Variants in CMIP observed in about 807,000 individuals in gnomAD.
CMIP encodes C-Maf-inducing protein.
CMIP carries 13 observed loss-of-function variants against 97.3 expected under a neutral mutation model. The ratio of observed to expected loss-of-function variants is 0.13; its 90% CI spans 0.09 to 0.21. CMIP has a LOEUF of 0.21. Among genes scored for constraint, CMIP ranks in the 10% least tolerant of loss-of-function variants. The pLI is 1.00. For synonymous variants in CMIP, 538 were observed against 436.3 expected (o/e 1.23, Z -2.91); for missense variants, 847 against 1,024.9 (o/e 0.83, Z 2.37).
At chr16:81,620,854 T>C in intron 2 of CMIP, 22 bp from the exon 3 acceptor site, 20 of 1,613,920 alleles carry the variant, frequency 1.2e-5, no homozygotes, top group Non-Finnish European at 1.7e-5. Context: ...CGGACCTTGC[T>C]GTCCTGTTCT....
chr16:81,616,153 AT>A lies in CMIP; in HGVS notation c.427-4704del, dbSNP rs11331169. ...ACATGTCATTAATTCATTCAGCTGT[AT>A]TTTTTTTTTTTTTTTTTTAACACCA... On this transcript the variant is annotated intron_variant, in intron 2 of 20. Transcript: ENST00000537098. This position sits in a 1 kb window ranked among gnomAD's most constrained non-coding sequence, Gnocchi z 4.7. 0.23 allele frequency among the ~76,000 whole-genome samples: 31,018 copies of A among 132,648 alleles called. 3,321 individuals carry two copies. Among genetic ancestry groups the A allele is most frequent in the Non-Finnish European group, 0.27 (16,851 of 61,350 alleles). 87.0% of individuals were successfully genotyped at this position (132,648 alleles called of 152,430 possible).
At chr16:81,496,411 G>A (rs1460697240) in intron 1 of CMIP, among the ~76,000 whole-genome samples, 4 of 152,204 alleles carry the variant, frequency 2.6e-5, no homozygotes, top group African/African-American at 7.2e-5. Context: ...TTGTACGATG[G>A]AGGGGAGTTA....
intron 2 of CMIP, chr16:81,610,398 A>G (rs79598992): frequency 2.1e-5 from 21 of 985,672 alleles, no homozygotes; most frequent in Non-Finnish European, 2.5e-5. Context: ...CAGCGCAGTC[A>G]GAGGCAGGAG....
chr16:81,528,925 G>A (rs934063553), intron 1 of CMIP, among the ~76,000 whole-genome samples: 1 of 151,836 alleles, frequency 6.6e-6, no homozygotes, highest in African/African-American at 2.4e-5. Context: ...CCTTCAGTTT[G>A]TTTGCCTACC....
At chr16:81,687,804 G>A (rs920792985) in intron 10 of CMIP, among the ~76,000 whole-genome samples, 90 of 152,276 alleles carry the variant, frequency 5.9e-4, no homozygotes, top group African/African-American at 1.7e-3. Context: ...TTATGAAGCT[G>A]TGCTGGTAGG....
chr16:81,645,784 A>G (rs917739939), intron 3 of CMIP: 10 of 640,198 alleles, frequency 1.6e-5, no homozygotes, highest in Admixed American at 2.7e-5. Context: ...AGAACTTGGT[A>G]GGTGAAAACA....
chr16:81,626,129 G>T (rs564262769), intron 3 of CMIP, among the ~76,000 whole-genome samples: 1 of 152,248 alleles, frequency 6.6e-6, no homozygotes, highest in Non-Finnish European at 1.5e-5. Context: ...CTCGATCACC[G>T]CATCCAGGCC....
At chr16:81,602,548 G>T (rs913404065) in intron 1 of CMIP, among the ~76,000 whole-genome samples, 1 of 152,218 alleles carries the variant, frequency 6.6e-6, no homozygotes. Flanking sequence ...TCAATACAGA[G>T]AATATTCCCA....
intron 7 of CMIP, among the ~76,000 whole-genome samples, chr16:81,669,648 C>A (rs1391884175): frequency 7.0e-6 from 1 of 143,104 alleles, no homozygotes; most frequent in Admixed American, 7.0e-5. Flanking sequence ...ACACCCACCT[C>A]ACACCTTCCA....
chr16:81,498,081 T>C (rs2089525698), intron 1 of CMIP, among the ~76,000 whole-genome samples: 3 of 152,250 alleles, frequency 2.0e-5, no homozygotes, highest in African/African-American at 7.2e-5. Flanking sequence ...CAGAGTACCA[T>C]GGTGGCTCTG....
At chr16:81,673,981 G>C (rs138880593) in intron 9 of CMIP, among the ~76,000 whole-genome samples, 2 of 152,190 alleles carry the variant, frequency 1.3e-5, no homozygotes, top group Middle Eastern at 6.3e-3. Flanking sequence ...GTACAGGGGG[G>C]ATTTCTCAAA....
At chr16:81,499,232 G>A (rs928569289) in intron 1 of CMIP, among the ~76,000 whole-genome samples, 16 of 151,996 alleles carry the variant, frequency 1.1e-4, no homozygotes, top group African/African-American at 2.9e-4. Flanking sequence ...CCCCCTCACC[G>A]TATACACATA....
chr16:81,685,706 GCTTA>G (rs1389689822), intron 10 of CMIP, among the ~76,000 whole-genome samples: 1 of 147,726 alleles, frequency 6.8e-6, no homozygotes. Flanking sequence ...CACCTGCCTG[GCTTA>G]CTTTTTTTTT....
chr16:81,567,455 G>A (rs2091002697), intron 1 of CMIP, among the ~76,000 whole-genome samples: 1 of 152,222 alleles, frequency 6.6e-6, no homozygotes, highest in Admixed American at 6.5e-5. Flanking sequence ...TGGGCCTCAG[G>A]AAAACAGTGT....
intron 1 of CMIP, chr16:81,517,813 T>G (rs973715901): frequency 7.9e-6 from 2 of 252,416 alleles, no homozygotes; most frequent in Non-Finnish European, 1.3e-5. Context: ...CCTTCGGGAA[T>G]GCCGTTTTTG....
At chr16:81,497,332 C>T (rs2089509695) in intron 1 of CMIP, among the ~76,000 whole-genome samples, 1 of 152,176 alleles carries the variant, frequency 6.6e-6, no homozygotes, top group South Asian at 2.1e-4. Flanking sequence ...AATAACCCCT[C>T]ATGGATGAGT....
At position 81,627,839 on chromosome 16, in the gene CMIP, C is replaced by G. The variant is rs1319462499; in HGVS notation, c.477+6913C>G. Among the ~76,000 whole-genome samples, 1 of 152,174 alleles carries G rather than the reference C, an allele frequency of 6.6e-6. No homozygotes were observed. The highest frequency in any genetic ancestry group is 1.9e-4 in the East Asian group (1 of 5,196). ...CTCGGGAATGAGTCTGTTCCATGTT[C>G]TGTGTTGGGAGCTGGCGCTGGGGGA... is the stretch of plus-strand genomic sequence containing the variant. On this transcript the variant is annotated intron_variant, in intron 3 of 20. Transcript: ENST00000537098. The surrounding 1 kb of genome is among the most constrained non-coding windows in gnomAD (Gnocchi z 4.6).
chr16:81,588,933 C>G (rs1215153032), intron 1 of CMIP, among the ~76,000 whole-genome samples: 1 of 152,114 alleles, frequency 6.6e-6, no homozygotes, highest in African/African-American at 2.4e-5. Context: ...AGCTGGGAGT[C>G]TCACAGCCTG....
intron 3 of CMIP, among the ~76,000 whole-genome samples, chr16:81,633,029 G>T (rs548509128): frequency 6.6e-6 from 1 of 152,232 alleles, no homozygotes; most frequent in East Asian, 1.9e-4. Context: ...GTCATCCAGC[G>T]CAGGCTTTGA....
Sources: allele counts gnomAD v4.1 joint callset (sites outside exome capture counted in the v4.1 genomes callset), GRCh38; gene constraint gnomAD v4.1.1; non-coding constraint Gnocchi (gnomAD v3.1); transcripts MANE v1.5; gene names NCBI Gene and HGNC (gene_info 2026-07-23, HGNC 2026-07-21).